PLA2G4A: variants seen among roughly 807,000 people sequenced by gnomAD.
PLA2G4A encodes phospholipase A2 group IVA, also known as cytosolic phospholipase A2.
Under a neutral mutation model 81.9 loss-of-function variants are expected in PLA2G4A, and 40 were observed. The observed-to-expected ratio is 0.49, with a 90% CI of 0.38 to 0.64. PLA2G4A has a LOEUF of 0.64. Ranked by LOEUF, PLA2G4A falls within the 30% of genes least tolerant of loss-of-function variation. PLA2G4A has a pLI of 0.00. For synonymous variants in PLA2G4A, 302 were observed against 296.9 expected (o/e 1.02, Z -0.18); for missense variants, 715 against 905.1 (o/e 0.79, Z 2.69).
In PLA2G4A at chr1:186,837,495, C is replaced by A. The variant is rs563466461; in HGVS notation, c.-70+8460C>A. Among the ~76,000 whole-genome samples, 3 of 151,522 alleles carry A rather than the reference C, an allele frequency of 2.0e-5. No individual in the cohort carries two copies. In the East Asian group the frequency reaches 5.9e-4, roughly 30 times the overall value. ...CTGTAATCACAGCACTTTGGGAGGC[C>A]GAGGCAGGCGGATCACGAGGTCAGG... On this transcript the variant is annotated intron_variant, in intron 1 of 17. Transcript: ENST00000367466.
intron 15 of PLA2G4A, among the ~76,000 whole-genome samples, 190 bp downstream of exon 15, chr1:186,965,783 T>C (rs1181168761): frequency 2.0e-5 from 3 of 152,112 alleles, no homozygotes; most frequent in African/African-American, 7.2e-5. Flanking sequence ...ATAATTCTAA[T>C]GAGCTCAATA....
intron 15 of PLA2G4A, among the ~76,000 whole-genome samples, chr1:186,976,736 A>C (rs1033917262): frequency 2.0e-5 from 3 of 152,112 alleles, no homozygotes; most frequent in Non-Finnish European, 4.4e-5. Context: ...CTCCATATTG[A>C]TTTATGTTCT....
At chr1:186,918,255 G>A (rs964284406) in intron 7 of PLA2G4A, among the ~76,000 whole-genome samples, 1 of 152,150 alleles carries the variant, frequency 6.6e-6, no homozygotes, top group African/African-American at 2.4e-5. Context: ...AGGCTCGCTG[G>A]TGTCCCCTGC....
intron 15 of PLA2G4A, among the ~76,000 whole-genome samples, chr1:186,976,902 T>G (rs1657554338): frequency 6.6e-6 from 1 of 152,190 alleles, no homozygotes; most frequent in Admixed American, 6.5e-5. Flanking sequence ...GAGGCTCTGT[T>G]CTATTTCTCT....
At chr1:186,952,725 C>T (rs1226882310) in intron 13 of PLA2G4A, among the ~76,000 whole-genome samples, 2 of 149,936 alleles carry the variant, frequency 1.3e-5, no homozygotes, top group Non-Finnish European at 1.5e-5. Context: ...CCTCCTCCCC[C>T]AACCCCTAAC....
At chr1:186,936,586 C>T (rs1236343360) in intron 8 of PLA2G4A, among the ~76,000 whole-genome samples, 1 of 151,998 alleles carries the variant, frequency 6.6e-6, no homozygotes. Context: ...ATCACTTCTG[C>T]TCTTTTTTAA....
intron 9 of PLA2G4A, among the ~76,000 whole-genome samples, chr1:186,939,647 T>C (rs1181189219): frequency 6.6e-6 from 1 of 152,186 alleles, no homozygotes; most frequent in Middle Eastern, 3.2e-3. Context: ...GATGCATGAT[T>C]GCATTGATGT....
At chr1:186,920,414 C>A (rs758350506) in intron 7 of PLA2G4A, among the ~76,000 whole-genome samples, 1 of 152,174 alleles carries the variant, frequency 6.6e-6, no homozygotes, top group Non-Finnish European at 1.5e-5. Context: ...AAGGGGGCGA[C>A]TGGGGTGGTC....
intron 2 of PLA2G4A, among the ~76,000 whole-genome samples, chr1:186,865,686 AC>A (rs1174186743): frequency 4.6e-5 from 7 of 152,126 alleles, no homozygotes; most frequent in Admixed American, 1.3e-4. Context: ...TTTTCCATCA[AC>A]TTTATTTTAT....
chr1:186,861,882 C>A (rs1652814961), intron 2 of PLA2G4A, among the ~76,000 whole-genome samples: 1 of 151,894 alleles, frequency 6.6e-6, no homozygotes, highest in Non-Finnish European at 1.5e-5. Flanking sequence ...GGACTCCTCC[C>A]CATTGAAGGC....
intron 1 of PLA2G4A, among the ~76,000 whole-genome samples, chr1:186,847,708 TG>T (rs1652232400): frequency 6.6e-6 from 1 of 152,078 alleles, no homozygotes; most frequent in Admixed American, 6.6e-5. Flanking sequence ...AGAAGAGTTT[TG>T]TTGTTGTTTT....
chr1:186,959,944 T>G (rs776000169), intron 14 of PLA2G4A, among the ~76,000 whole-genome samples: 1 of 152,056 alleles, frequency 6.6e-6, no homozygotes, highest in Non-Finnish European at 1.5e-5. Flanking sequence ...GTTGGAAAAA[T>G]GTTACATTTG....
intron 5 of PLA2G4A, among the ~76,000 whole-genome samples, chr1:186,895,981 T>G (rs1399283619): frequency 6.6e-6 from 1 of 151,518 alleles, no homozygotes; most frequent in Non-Finnish European, 1.5e-5. Flanking sequence ...ATATAATACA[T>G]GCATATGATA....
chr1:186,852,862 G>A (rs567751906), intron 1 of PLA2G4A, among the ~76,000 whole-genome samples: 22 of 151,972 alleles, frequency 1.4e-4, no homozygotes, highest in Admixed American at 5.9e-4. Context: ...ATAAGAAAAC[G>A]CAAAACAAAG....
intron 1 of PLA2G4A, among the ~76,000 whole-genome samples, chr1:186,851,550 C>T (rs1041069061): frequency 3.3e-5 from 5 of 151,774 alleles, no homozygotes; most frequent in African/African-American, 4.8e-5. Context: ...TTAGTTGGCA[C>T]GAAAACATCA....
chr1:186,952,387 T>G (rs1268884104), intron 13 of PLA2G4A, among the ~76,000 whole-genome samples: 1 of 152,146 alleles, frequency 6.6e-6, no homozygotes, highest in East Asian at 1.9e-4. Flanking sequence ...TAGTATTTAT[T>G]TTTTCTCTTT....
At chr1:186,832,309 A>T (rs1485518665) in intron 1 of PLA2G4A, among the ~76,000 whole-genome samples, 1 of 152,108 alleles carries the variant, frequency 6.6e-6, no homozygotes, top group East Asian at 1.9e-4. Flanking sequence ...TTCTAAAAAA[A>T]ATTTTATTAC....
In PLA2G4A at chr1:186,837,753, G is replaced by GAAA. The variant is rs1267826917; in HGVS notation, c.-70+8721_-70+8723dup. Among the ~76,000 whole-genome samples, 11 of 118,168 alleles carry GAAA rather than the reference G, an allele frequency of 9.3e-5. 2 individuals carry two copies. Among genetic ancestry groups the GAAA allele is most frequent in the African/African-American group, 3.7e-4 (11 of 29,720 alleles). The allele number at this position is 118,168 out of a possible 152,430, so 77.5% of individuals were successfully genotyped here. A position where few individuals can be genotyped will look rare whatever the true frequency, so the allele number is the denominator to read the frequency against. ...CTCCGTCTCAAAAAAAAAAAAAAAA[G>GAAA]AAAAAGAAAAGAAAAAAAGAAAATA... On this transcript the variant is annotated intron_variant, in intron 1 of 17. Coordinates refer to ENST00000367466, the MANE Select transcript of PLA2G4A (RefSeq NM_024420.3).
At chr1:186,980,971 C>T (rs1657701204) in intron 17 of PLA2G4A, among the ~76,000 whole-genome samples, 1 of 151,974 alleles carries the variant, frequency 6.6e-6, no homozygotes, top group African/African-American at 2.4e-5. Context: ...ATCTGAAATC[C>T]ACGTGATACA....
Sources: allele counts gnomAD v4.1 joint callset (sites outside exome capture counted in the v4.1 genomes callset), GRCh38; gene constraint gnomAD v4.1.1; transcripts MANE v1.5; gene names NCBI Gene and HGNC (gene_info 2026-07-23, HGNC 2026-07-21).